The following SLA variants were observed in gnomAD, a reference collection of about 807,000 sequenced individuals.
SLA encodes Src like adaptor, also known as src-like-adapter.
A neutral mutation model predicts 30.3 loss-of-function variants in SLA; 16 were observed. The observed-to-expected ratio is 0.53, with a 90% CI of 0.36 to 0.80. The LOEUF (loss-of-function observed/expected upper bound fraction) is 0.80. Among genes scored for constraint, SLA ranks in the 30% least tolerant of loss-of-function variants. SLA has a pLI of 0.01. For missense variants in SLA, 310 were observed against 345.2 expected (o/e 0.90, Z 0.81); for synonymous variants, 143 against 137.8 (o/e 1.04, Z -0.26).
chr8:133,063,033 G>A (rs895979256), intron 2 of SLA, among the ~76,000 whole-genome samples: 1 of 152,164 alleles, frequency 6.6e-6, no homozygotes, highest in African/African-American at 2.4e-5. Context: ...TATCATCACC[G>A]AGGCCTTTGG....
intron 8 of SLA, 80 bp downstream of exon 8, chr8:133,039,918 C>T (rs76747313): frequency 0.037 from 56,194 of 1,505,810 alleles, 1,199 homozygotes; most frequent in Non-Finnish European, 0.045. Flanking sequence ...GCACACACAC[C>T]GTTTTGTGCT....
chr8:133,074,121 C>G (rs1389347592), intron 2 of SLA, among the ~76,000 whole-genome samples: 1 of 152,140 alleles, frequency 6.6e-6, no homozygotes. Context: ...AGAAAATTCC[C>G]GTTGTCCTAA....
At chr8:133,055,064 G>A (rs965198072) in intron 3 of SLA, among the ~76,000 whole-genome samples, 3 of 152,162 alleles carry the variant, frequency 2.0e-5, no homozygotes, top group Non-Finnish European at 4.4e-5. Flanking sequence ...AGGGGAAAGT[G>A]TGAAGATTTC....
chr8:133,052,164 C>T (rs547557182), intron 3 of SLA, among the ~76,000 whole-genome samples: 348 of 152,256 alleles, frequency 2.3e-3, no homozygotes, highest in African/African-American at 8.1e-3. Flanking sequence ...TTGCAGCCTC[C>T]GAGTCATAAG....
At chr8:133,073,850 C>A (rs1326057844) in intron 2 of SLA, among the ~76,000 whole-genome samples, 1 of 152,140 alleles carries the variant, frequency 6.6e-6, no homozygotes, top group Admixed American at 6.5e-5. Flanking sequence ...AGCCACCTAA[C>A]TTCTCTGAGC....
At chr8:133,092,521 C>T (rs988851003) in intron 1 of SLA, among the ~76,000 whole-genome samples, 1 of 152,174 alleles carries the variant, frequency 6.6e-6, no homozygotes, top group African/African-American at 2.4e-5. Flanking sequence ...TGTCACTGCA[C>T]TAACCACAGT....
intron 3 of SLA, among the ~76,000 whole-genome samples, chr8:133,053,781 G>T (rs1445988128): frequency 6.6e-6 from 1 of 152,218 alleles, no homozygotes; most frequent in African/African-American, 2.4e-5. Context: ...GGCTTAGAGT[G>T]TTGGAGAGTT....
chr8:133,088,871 TA>T (rs1667361797), intron 1 of SLA, among the ~76,000 whole-genome samples: 1 of 152,318 alleles, frequency 6.6e-6, no homozygotes, highest in African/African-American at 2.4e-5. Context: ...CTCAGGCTTT[TA>T]GGGATCAAGA....
At chr8:133,097,529 C>A (rs1220647444) in intron 1 of SLA, among the ~76,000 whole-genome samples, 3 of 152,074 alleles carry the variant, frequency 2.0e-5, no homozygotes. Flanking sequence ...TTAAGTGATG[C>A]CTCTGACACA....
rs958830900 is a variant in SLA at position 133,037,228 on chromosome 8, A to C, written c.*1296T>G. The C allele has an allele frequency of 6.6e-6, 1 of 152,174 alleles. No individual in the cohort carries two copies. The highest frequency in any genetic ancestry group is 2.4e-5 in the African/African-American group (1 of 41,434). 9.4% of individuals were successfully genotyped at this position (152,174 alleles called of 1,614,324 possible). On this transcript the variant is annotated 3_prime_UTR_variant, in exon 9 of 9. Transcript: ENST00000338087. The stretch of plus-strand genomic sequence containing the variant: ...TTCATCTGCAGCCCACTCTCTTCCT[A>C]GTAGGATTTGGATGGGAGCTTCTCC...
At chr8:133,101,376 T>C (rs776618460) in intron 1 of SLA, among the ~76,000 whole-genome samples, 1 of 152,144 alleles carries the variant, frequency 6.6e-6, no homozygotes, top group Non-Finnish European at 1.5e-5. Flanking sequence ...GAATTTAGAG[T>C]TGGGCTTGTG....
In SLA at chr8:133,045,247, G is replaced by T; in HGVS notation, c.353-132C>A. On this transcript the variant is annotated intron_variant, in intron 6 of 8. Coordinates refer to ENST00000338087, the MANE Select transcript of SLA (RefSeq NM_001045556.3). ...GATACAACAGTGATGCTAGGATGCA[G>T]CCCCTCCCTCCACTAGACCCTTCTC... is the stretch of plus-strand genomic sequence containing the variant. The T allele has an allele frequency of 1.5e-5, 13 of 839,084 alleles. 1 individual carries two copies. The South Asian group carries it at 2.1e-4, about 14-fold the overall frequency. The allele number at this position is 839,084 out of a possible 1,614,324, so 52.0% of individuals were successfully genotyped here. A position where few individuals can be genotyped will look rare whatever the true frequency, so the allele number is the denominator to read the frequency against.
chr8:133,067,722 G>A (rs1843225383), intron 2 of SLA, among the ~76,000 whole-genome samples: 1 of 151,966 alleles, frequency 6.6e-6, no homozygotes, highest in Non-Finnish European at 1.5e-5. Context: ...GCTGCAGTAA[G>A]CTGAGATCGC....
rs148810005 is a variant in SLA, at chr8:133,068,524, G to A, written c.-41+6329C>T. Among the ~76,000 whole-genome samples the A allele has an allele frequency of 2.1e-3, 323 of 152,314 alleles. 1 individual carries two copies. Among genetic ancestry groups the A allele is most frequent in the African/African-American group, 7.3e-3 (305 of 41,568 alleles). ...ATTAAGTCACTAGACCACTCTTTCTGCTGTTTTTGTTTTTGTCTTTAATGA... is the reference window on the plus strand; with the variant it reads ...ATTAAGTCACTAGACCACTCTTTCTACTGTTTTTGTTTTTGTCTTTAATGA... On this transcript the variant is annotated intron_variant, in intron 2 of 8. Transcript: ENST00000338087.
intron 1 of SLA, among the ~76,000 whole-genome samples, chr8:133,100,884 G>A (rs1028162394): frequency 4.6e-5 from 7 of 152,298 alleles, no homozygotes; most frequent in Admixed American, 2.6e-4. Flanking sequence ...CCTAAGTGAA[G>A]TAACTCATGC....
intron 1 of SLA, among the ~76,000 whole-genome samples, chr8:133,082,520 G>A (rs534533084): frequency 1.3e-5 from 2 of 152,090 alleles, no homozygotes; most frequent in African/African-American, 2.4e-5. Flanking sequence ...CCTGATAATC[G>A]ACTAGCTTGC....
chr8:133,038,736 G>C lies in SLA; in HGVS notation c.619C>G (p.Leu207Val). ...KTVDWRRVSR[L>V]QEDPEGTENP... is the part of the protein sequence containing the mutation. ...TCTGTTCCCTCGGGGTCCTCCTGCAGTCTGTGGGCCAGAAGAAAAGGCAGT... is the reference window on the plus strand; with the variant it reads ...TCTGTTCCCTCGGGGTCCTCCTGCACTCTGTGGGCCAGAAGAAAAGGCAGT... The change falls in exon 9 of 9, where the codon CTG (leucine) becomes GTG (valine). Residue 207 changes from leucine (L) to valine (V), a missense_variant and splice_region_variant. Leu to Val is a conservative substitution (Grantham distance 32). Coordinates refer to ENST00000338087, the MANE Select transcript of SLA (RefSeq NM_001045556.3). 2.5e-6 allele frequency: 4 copies of C among 1,612,030 alleles called. No individual in the cohort carries two copies. Among genetic ancestry groups the C allele is most frequent in the Non-Finnish European group, 3.4e-6 (4 of 1,178,276 alleles).
At chr8:133,039,245 C>A (rs1837697956) in intron 8 of SLA, among the ~76,000 whole-genome samples, 2 of 152,208 alleles carry the variant, frequency 1.3e-5, no homozygotes, top group Admixed American at 1.3e-4. Context: ...ATTATTCTAA[C>A]CCATTATTTT....
At chr8:133,045,379 C>A (rs1839138841) in intron 6 of SLA, among the ~76,000 whole-genome samples, 1 of 147,646 alleles carries the variant, frequency 6.8e-6, no homozygotes, top group African/African-American at 2.5e-5. Flanking sequence ...CAGGTTTCAT[C>A]CTCTTTGCTT....
Sources: gnomAD v4.1 joint callset for allele counts (sites outside exome capture counted in the v4.1 genomes callset) on GRCh38, gnomAD v4.1.1 for gene constraint, MANE v1.5 for transcripts, NCBI Gene and HGNC (gene_info 2026-07-23, HGNC 2026-07-21) for gene names.